TENM3: variants seen among roughly 807,000 people sequenced by gnomAD.
TENM3 encodes the protein teneurin-3.
Under a neutral mutation model 255.1 loss-of-function variants are expected in TENM3, and 63 were observed. That is an observed-to-expected ratio of 0.25 (90% CI 0.20 to 0.30). The LOEUF is 0.30. Ranked by LOEUF, TENM3 falls within the 10% of genes least tolerant of loss-of-function variation. The pLI is 1.00. For synonymous variants in TENM3, 1,306 were observed against 1,322.3 expected (o/e 0.99, Z 0.27); for missense variants, 2,929 against 3,461.1 (o/e 0.85, Z 3.86).
the TENM3 span, among the ~76,000 whole-genome samples, chr4:181,723,018 G>C: frequency 6.6e-6 from 1 of 152,014 alleles, no homozygotes; most frequent in East Asian, 1.9e-4. Flanking sequence ...CTACCTCCTC[G>C]CTCAGGACTT....
rs1193777586 is a variant in TENM3 at position 182,346,916 on chromosome 4, C to T, written c.498C>T (p.Ser166=). Residue 166 remains serine (S), a synonymous_variant, in exon 3 of 28, where the codon TCC becomes TCT. Transcript: ENST00000511685. Reference sequence around the variant, plus strand: ...CAGATACGGAGCACGAAAACAAGTCCGACAGTGAGAATGGTAAGTTTCCTT... The same window carrying T: ...CAGATACGGAGCACGAAAACAAGTCTGACAGTGAGAATGGTAAGTTTCCTT... The part of the protein sequence containing the change: ...TLTDTEHENK[S]DSENEQPASN... 12 of 1,605,074 alleles carry T rather than the reference C, an allele frequency of 7.5e-6. No individual in the cohort carries two copies. The South Asian group carries it at 7.8e-5, about 10-fold the overall frequency.
At chr4:182,672,264 C>A (rs1163129218) in intron 6 of TENM3, among the ~76,000 whole-genome samples, 1 of 152,058 alleles carries the variant, frequency 6.6e-6, no homozygotes, top group Non-Finnish European at 1.5e-5. Flanking sequence ...GGCAGAGATC[C>A]AGGGAGAAAA....
At chr4:182,450,673 T>C (rs1310504579) in intron 3 of TENM3, among the ~76,000 whole-genome samples, 1 of 152,220 alleles carries the variant, frequency 6.6e-6, no homozygotes, top group Non-Finnish European at 1.5e-5. Context: ...CTTTCTCTCA[T>C]CTTCAGAGAC....
At chr4:181,943,766 C>T in the TENM3 span, among the ~76,000 whole-genome samples, 63 of 152,240 alleles carry the variant, frequency 4.1e-4, no homozygotes, top group African/African-American at 1.3e-3. Context: ...AGCTGTAGTT[C>T]AGCTTCATCA....
At chr4:181,661,967 C>T in the TENM3 span, among the ~76,000 whole-genome samples, 4 of 151,878 alleles carry the variant, frequency 2.6e-5, no homozygotes, top group African/African-American at 9.7e-5. Flanking sequence ...AAATTGGCCT[C>T]ATCAAATATA....
the TENM3 span, among the ~76,000 whole-genome samples, chr4:181,887,890 G>A: frequency 6.6e-6 from 1 of 152,022 alleles, no homozygotes; most frequent in African/African-American, 2.4e-5. Context: ...TTAACTTTTG[G>A]CTATTTCATT....
At chr4:181,574,499 CCG>C in the TENM3 span, among the ~76,000 whole-genome samples, 8 of 151,528 alleles carry the variant, frequency 5.3e-5, no homozygotes, top group South Asian at 1.5e-3. Context: ...CCACTGCAGT[CCG>C]CAGTCCGGCC....
chr4:182,738,588 C>A, intron 18 of TENM3, 44 bp downstream of exon 18: 1 of 1,502,256 alleles, frequency 6.7e-7, no homozygotes, highest in South Asian at 1.3e-5. Flanking sequence ...ATGTATTGTT[C>A]AGAGATAGCT....
At chr4:181,481,126 G>GA in the TENM3 span, among the ~76,000 whole-genome samples, 86,563 of 151,328 alleles carry the variant, frequency 0.57, 26,272 homozygotes, top group Non-Finnish European at 0.68. Context: ...AGTTTTATAA[G>GA]AAAAAAACCT....
At chr4:182,375,522 G>A (rs1009033489) in intron 3 of TENM3, among the ~76,000 whole-genome samples, 2 of 152,040 alleles carry the variant, frequency 1.3e-5, no homozygotes, top group Non-Finnish European at 2.9e-5. Flanking sequence ...AAGGAGTTGC[G>A]TGTTGTGGAT....
the TENM3 span, among the ~76,000 whole-genome samples, chr4:181,568,813 G>A: frequency 2.0e-5 from 3 of 152,058 alleles, no homozygotes; most frequent in African/African-American, 4.8e-5. Context: ...GAGCAGGCTC[G>A]TCACTCCTGT....
At chr4:181,865,530 G>T in the TENM3 span, among the ~76,000 whole-genome samples, 2 of 152,162 alleles carry the variant, frequency 1.3e-5, no homozygotes, top group Admixed American at 6.5e-5. Flanking sequence ...TCATGGACAC[G>T]CTGACAGTAC....
chr4:181,734,264 C>T, the TENM3 span, among the ~76,000 whole-genome samples: 1 of 151,608 alleles, frequency 6.6e-6, no homozygotes. Context: ...TATATATCTA[C>T]TAAAATAGAA....
the TENM3 span, among the ~76,000 whole-genome samples, chr4:181,867,314 C>A: frequency 0.4 from 60,488 of 151,794 alleles, 13,376 homozygotes; most frequent in Non-Finnish European, 0.49. Flanking sequence ...TCATTTTGTC[C>A]CCCGGACTTG....
chr4:182,528,022 G>A (rs1034043903), intron 3 of TENM3, among the ~76,000 whole-genome samples: 2 of 152,162 alleles, frequency 1.3e-5, no homozygotes, highest in East Asian at 1.9e-4. Flanking sequence ...CACCAGGCCC[G>A]GTCTAGGCCA....
intron 22 of TENM3, among the ~76,000 whole-genome samples, chr4:182,766,188 G>A (rs1030922197): frequency 6.6e-6 from 1 of 152,084 alleles, no homozygotes; most frequent in African/African-American, 2.4e-5. Context: ...TGTCCTCTGA[G>A]CACTTCCAGA....
intron 19 of TENM3, among the ~76,000 whole-genome samples, chr4:182,749,811 G>A (rs1212949170): frequency 6.6e-6 from 1 of 152,160 alleles, no homozygotes; most frequent in East Asian, 1.9e-4. Context: ...TGCATACCAT[G>A]TACACAGCTA....
intron 3 of TENM3, among the ~76,000 whole-genome samples, chr4:182,380,681 A>G (rs1767502556): frequency 6.6e-6 from 1 of 152,168 alleles, no homozygotes; most frequent in Non-Finnish European, 1.5e-5. Context: ...AAGGATTCAA[A>G]ATTGTTATTT....
intron 5 of TENM3, among the ~76,000 whole-genome samples, chr4:182,652,493 C>T (rs1753401631): frequency 6.6e-6 from 1 of 152,176 alleles, no homozygotes; most frequent in Admixed American, 6.5e-5. Context: ...CACCTTCTCA[C>T]CTGAGCTTAA....
Sources: gnomAD v4.1 joint callset for allele counts (sites outside exome capture counted in the v4.1 genomes callset) on GRCh38, gnomAD v4.1.1 for gene constraint, MANE v1.5 for transcripts, NCBI Gene and HGNC (gene_info 2026-07-23, HGNC 2026-07-21) for gene names.